MACROD2: variants seen among roughly 807,000 people sequenced by gnomAD.
The protein encoded by MACROD2 is ADP-ribose glycohydrolase MACROD2.
In MACROD2, 36 loss-of-function variants were observed where a neutral mutation model predicts 70.4. The observed-to-expected ratio is 0.51, with a 90% CI of 0.39 to 0.68. The LOEUF is 0.68. Among genes scored for constraint, MACROD2 ranks in the 30% least tolerant of loss-of-function variants. MACROD2 has a pLI of 0.00. For synonymous variants in MACROD2, 172 were observed against 178.8 expected (o/e 0.96, Z 0.30); for missense variants, 496 against 538.4 (o/e 0.92, Z 0.78).
chr20:14,614,398 A>T (rs113487627), intron 4 of MACROD2, among the ~76,000 whole-genome samples: 1 of 152,078 alleles, frequency 6.6e-6, no homozygotes, highest in Non-Finnish European at 1.5e-5. Flanking sequence ...CTCACCCATT[A>T]AATCAGAATC....
intron 6 of MACROD2, among the ~76,000 whole-genome samples, chr20:15,429,429 C>A (rs991786206): frequency 6.6e-6 from 1 of 152,054 alleles, no homozygotes; most frequent in African/African-American, 2.4e-5. Flanking sequence ...AAGGCTTCCA[C>A]AGGAGCAGAA....
intron 8 of MACROD2, among the ~76,000 whole-genome samples, chr20:15,527,814 C>G (rs1405138694): frequency 1.3e-5 from 2 of 152,216 alleles, no homozygotes; most frequent in Non-Finnish European, 2.9e-5. Flanking sequence ...TCTAGATTCT[C>G]ATATTTTCCA....
chr20:15,641,610 G>A (rs1159725944), intron 8 of MACROD2, among the ~76,000 whole-genome samples: 1 of 152,134 alleles, frequency 6.6e-6, no homozygotes, highest in Non-Finnish European at 1.5e-5. Context: ...AACAGGGGCA[G>A]CGTGCATTTT....
At chr20:15,925,990 C>T (rs1458393170) in intron 10 of MACROD2, among the ~76,000 whole-genome samples, 1 of 152,156 alleles carries the variant, frequency 6.6e-6, no homozygotes, top group African/African-American at 2.4e-5. Flanking sequence ...GAGAGCACTG[C>T]CCAGCATTTC....
In MACROD2 at chr20:14,472,185, T is replaced by C. The variant is rs546309743; in HGVS notation, c.272-21294T>C. 9.2e-5 allele frequency among the ~76,000 whole-genome samples: 14 copies of C among 152,322 alleles called. No individual in the cohort carries two copies. The South Asian group carries it at 2.9e-3, about 32-fold the overall frequency. ...GTGTAATAATCTAGCAACTGATTAC[T>C]GTTTAGAATAAGCAATCTGTTCAAT... On this transcript the variant is annotated intron_variant, in intron 3 of 17. Transcript: ENST00000684519.
Position 15,406,854 on chromosome 20 carries a change from C to T in MACROD2, c.541-24551C>T, listed in dbSNP as rs377087480. On this transcript the variant is annotated intron_variant, in intron 6 of 17. Transcript: ENST00000684519. Reference sequence around the variant, plus strand: ...TACCCTGGCCCTCTTATAAATCATGCGACGTGTCGAGTCTTGAATTAAACC... The same window carrying T: ...TACCCTGGCCCTCTTATAAATCATGTGACGTGTCGAGTCTTGAATTAAACC... Among the ~76,000 whole-genome samples the T allele has an allele frequency of 1.6e-4, 25 of 152,276 alleles. No individual in the cohort carries two copies. In the East Asian group the frequency reaches 2.9e-3, roughly 18 times the overall value.
At chr20:15,003,195 G>C (rs112571736) in intron 5 of MACROD2, among the ~76,000 whole-genome samples, 4,148 of 152,250 alleles carry the variant, frequency 0.027, 91 homozygotes, top group Middle Eastern at 0.086. Context: ...ATGCTTCTAA[G>C]GGCTGTTTTT....
At chr20:14,094,215 G>A (rs545358517) in intron 3 of MACROD2, among the ~76,000 whole-genome samples, 126 of 152,184 alleles carry the variant, frequency 8.3e-4, no homozygotes, top group Non-Finnish European at 1.6e-3. Context: ...TGTAGCTGTT[G>A]CTTCTTCTGA....
intron 8 of MACROD2, among the ~76,000 whole-genome samples, chr20:15,678,659 C>G (rs1364167328): frequency 3.3e-5 from 5 of 152,128 alleles, no homozygotes; most frequent in East Asian, 1.9e-4. Context: ...AAGCCTATGC[C>G]TAGTTCACTA....
chr20:14,762,058 C>T (rs148724143), intron 5 of MACROD2, among the ~76,000 whole-genome samples: 1 of 152,180 alleles, frequency 6.6e-6, no homozygotes, highest in African/African-American at 2.4e-5. Context: ...TCCTGCCACC[C>T]TCTCCGCTCA....
intron 6 of MACROD2, among the ~76,000 whole-genome samples, chr20:15,289,487 G>A (rs2077522240): frequency 6.6e-6 from 1 of 152,160 alleles, no homozygotes; most frequent in South Asian, 2.1e-4. Flanking sequence ...TTAAACTGTT[G>A]TTTGATTTCC....
chr20:16,013,712 C>G (rs1370602203), intron 15 of MACROD2, among the ~76,000 whole-genome samples: 4 of 152,136 alleles, frequency 2.6e-5, no homozygotes, highest in Admixed American at 2.6e-4. Context: ...TTGTATCATA[C>G]CCAGGAGAGA....
intron 5 of MACROD2, among the ~76,000 whole-genome samples, chr20:15,063,192 G>A (rs752284616): frequency 2.8e-4 from 42 of 152,278 alleles, no homozygotes; most frequent in Non-Finnish European, 5.4e-4. Context: ...AGTAAAGGAA[G>A]GACAAGGCCC....
At chr20:14,062,881 C>A (rs573083070) in intron 2 of MACROD2, among the ~76,000 whole-genome samples, 1 of 152,232 alleles carries the variant, frequency 6.6e-6, no homozygotes, top group African/African-American at 2.4e-5. Context: ...AATCTGATAG[C>A]CTCTTTTCAG....
At chr20:15,714,737 A>G (rs1294871327) in intron 8 of MACROD2, among the ~76,000 whole-genome samples, 2 of 152,194 alleles carry the variant, frequency 1.3e-5, no homozygotes, top group Admixed American at 1.3e-4. Flanking sequence ...TATGTGTCAT[A>G]TATTTTACTA....
chr20:14,295,000 C>G (rs1383026415), intron 3 of MACROD2, among the ~76,000 whole-genome samples: 2 of 151,752 alleles, frequency 1.3e-5, no homozygotes, highest in South Asian at 2.1e-4. Context: ...ACTGACTCAT[C>G]ATCCAACTTA....
At chr20:15,150,832 A>C (rs1392074100) in intron 5 of MACROD2, among the ~76,000 whole-genome samples, 1 of 151,990 alleles carries the variant, frequency 6.6e-6, no homozygotes, top group Non-Finnish European at 1.5e-5. Flanking sequence ...GGGATAACTA[A>C]AAAGGAGTGC....
chr20:14,830,180 G>A (rs751833919), intron 5 of MACROD2, among the ~76,000 whole-genome samples: 3 of 152,082 alleles, frequency 2.0e-5, no homozygotes, highest in Non-Finnish European at 4.4e-5. Context: ...CCTCTCATTA[G>A]GGCACTACGG....
At chr20:14,080,753 T>G (rs1392994131) in intron 2 of MACROD2, among the ~76,000 whole-genome samples, 2 of 152,122 alleles carry the variant, frequency 1.3e-5, no homozygotes, top group African/African-American at 4.8e-5. Context: ...ATGCATTTTC[T>G]CAATTATTCT....
Sources: allele counts gnomAD v4.1 joint callset (sites outside exome capture counted in the v4.1 genomes callset), GRCh38; gene constraint gnomAD v4.1.1; transcripts MANE v1.5; gene names NCBI Gene and HGNC (gene_info 2026-07-23, HGNC 2026-07-21).